Variants in MAP4K5 observed in about 807,000 individuals in gnomAD.
The protein encoded by MAP4K5 is MAPK/ERK kinase kinase kinase 5.
A neutral mutation model predicts 135.6 loss-of-function variants in MAP4K5; 82 were observed. The ratio of observed to expected loss-of-function variants is 0.60; its 90% CI spans 0.51 to 0.73. The LOEUF (loss-of-function observed/expected upper bound fraction) is 0.73, where lower values mean the gene tolerates loss of function less well. Ranked by LOEUF, MAP4K5 falls within the 30% of genes least tolerant of loss-of-function variation. The pLI is 0.00. For missense variants in MAP4K5, 907 were observed against 1,010.9 expected, an observed-to-expected ratio of 0.90 and a Z score of 1.39; for synonymous variants, 347 against 335.0, an observed-to-expected ratio of 1.04 and a Z score of -0.39.
chr14:50,547,929 T>C (rs1322963709), intron 1 of MAP4K5, among the ~76,000 whole-genome samples: 1 of 152,204 alleles, frequency 6.6e-6, no homozygotes, highest in Non-Finnish European at 1.5e-5. Flanking sequence ...CACAGTATAG[T>C]TGCATAGTAC....
chr14:50,516,714 T>G (rs765045719), intron 2 of MAP4K5, among the ~76,000 whole-genome samples: 27 of 152,216 alleles, frequency 1.8e-4, no homozygotes, highest in Non-Finnish European at 3.7e-4. Flanking sequence ...TCATTTTTAG[T>G]ATAACTGTAG....
chr14:50,427,706 A>G (rs2035876449), intron 30 of MAP4K5, among the ~76,000 whole-genome samples: 1 of 152,188 alleles, frequency 6.6e-6, no homozygotes, highest in Non-Finnish European at 1.5e-5. Flanking sequence ...ACTCCTGGGG[A>G]AGATACTGAC....
chr14:50,436,901 T>C (rs1361355649), intron 26 of MAP4K5, among the ~76,000 whole-genome samples: 3 of 152,170 alleles, frequency 2.0e-5, no homozygotes, highest in African/African-American at 7.2e-5. Context: ...TTCTAAACGG[T>C]AATGATTTTA....
At chr14:50,462,266 AATG>A (rs1404204347) in intron 13 of MAP4K5, among the ~76,000 whole-genome samples, 1 of 152,188 alleles carries the variant, frequency 6.6e-6, no homozygotes, top group Non-Finnish European at 1.5e-5. Flanking sequence ...TATCCCACAG[AATG>A]ATCAAACTCA....
chr14:50,515,195 C>T (rs2038010955), intron 2 of MAP4K5, among the ~76,000 whole-genome samples: 2 of 152,152 alleles, frequency 1.3e-5, no homozygotes, highest in Admixed American at 1.3e-4. Context: ...AGCCATTGTG[C>T]CTAGCCAGTC....
intron 18 of MAP4K5, among the ~76,000 whole-genome samples, chr14:50,444,608 G>C (rs979872525): frequency 1.3e-5 from 2 of 152,092 alleles, no homozygotes; most frequent in African/African-American, 2.4e-5. Flanking sequence ...TCCTGCAAGA[G>C]CTTAGTTTCC....
intron 2 of MAP4K5, among the ~76,000 whole-genome samples, chr14:50,526,597 C>T (rs997000812): frequency 3.3e-5 from 5 of 152,160 alleles, no homozygotes; most frequent in African/African-American, 7.2e-5. Context: ...CGCCTGGCCA[C>T]GTCTGTTTTC....
intron 2 of MAP4K5, among the ~76,000 whole-genome samples, chr14:50,510,224 C>T (rs2037903066): frequency 6.6e-6 from 1 of 152,182 alleles, no homozygotes; most frequent in African/African-American, 2.4e-5. Context: ...ATCTAATATG[C>T]TTCTCTGAGA....
At chr14:50,497,860 G>T (rs2037626659) in intron 3 of MAP4K5, among the ~76,000 whole-genome samples, 1 of 151,858 alleles carries the variant, frequency 6.6e-6, no homozygotes, top group Non-Finnish European at 1.5e-5. Context: ...AACCAAAAGG[G>T]TATTGCATTA....
chr14:50,523,726 C>CA (rs1170184028), intron 2 of MAP4K5, among the ~76,000 whole-genome samples: 17 of 152,166 alleles, frequency 1.1e-4, no homozygotes, highest in Admixed American at 9.8e-4. Flanking sequence ...TCTCTCCCCC[C>CA]ACTAAAATTT....
chr14:50,518,925 T>A (rs2038090510), intron 2 of MAP4K5, among the ~76,000 whole-genome samples: 2 of 152,146 alleles, frequency 1.3e-5, no homozygotes, highest in Admixed American at 1.3e-4. Flanking sequence ...TTTTGGAGAA[T>A]AATTGGTTAA....
At chr14:50,467,338 A>G (rs1465601260) in intron 10 of MAP4K5, among the ~76,000 whole-genome samples, 2 of 152,052 alleles carry the variant, frequency 1.3e-5, no homozygotes, top group Non-Finnish European at 2.9e-5. Flanking sequence ...CCTTTCTAAA[A>G]ATTAAATGAT....
At chr14:50,471,003 C>T (rs760639056) in intron 9 of MAP4K5, among the ~76,000 whole-genome samples, 5 of 152,022 alleles carry the variant, frequency 3.3e-5, no homozygotes, top group Non-Finnish European at 5.9e-5. Context: ...AATTTCTTTT[C>T]TTTTTTTCCT....
intron 22 of MAP4K5, 54 bp downstream of exon 22, chr14:50,440,308 A>C (rs2139695488): frequency 8.6e-7 from 1 of 1,167,462 alleles, no homozygotes; most frequent in African/African-American, 1.5e-5. Flanking sequence ...AAATTAAGAC[A>C]CTTCTTTATT....
At chr14:50,424,999 T>C (rs866440618) in intron 31 of MAP4K5, among the ~76,000 whole-genome samples, 1 of 152,182 alleles carries the variant, frequency 6.6e-6, no homozygotes, top group Admixed American at 6.5e-5. Context: ...TCTGCATTCA[T>C]ATAAGAGGTA....
chr14:50,440,725 C>T, intron 21 of MAP4K5, among the ~76,000 whole-genome samples: 1 of 151,982 alleles, frequency 6.6e-6, no homozygotes, highest in East Asian at 1.9e-4. Flanking sequence ...TTTATAGTTA[C>T]ACATTTTTGC....
intron 1 of MAP4K5, among the ~76,000 whole-genome samples, chr14:50,552,521 A>G (rs1408723531): frequency 6.6e-6 from 1 of 152,188 alleles, no homozygotes; most frequent in Non-Finnish European, 1.5e-5. Flanking sequence ...ATATCCTAAA[A>G]TTTGTATGGA....
chr14:50,442,953 A>G (rs2036261579), intron 20 of MAP4K5, 137 bp from the exon 21 acceptor site: 1 of 566,166 alleles, frequency 1.8e-6, no homozygotes, highest in South Asian at 2.6e-5. Context: ...AACAAAATTC[A>G]TATTTTCACA....
At chr14:50,552,138 C>G (rs1019047310) in intron 1 of MAP4K5, among the ~76,000 whole-genome samples, 2 of 152,096 alleles carry the variant, frequency 1.3e-5, no homozygotes, top group Non-Finnish European at 2.9e-5. Context: ...AAAATCTAGA[C>G]CTGATAAATG....
Sources: allele counts gnomAD v4.1 joint callset (sites outside exome capture counted in the v4.1 genomes callset), GRCh38; gene constraint gnomAD v4.1.1; transcripts MANE v1.5; gene names NCBI Gene and HGNC (gene_info 2026-07-23, HGNC 2026-07-21).